Variants in F5 observed in about 807,000 individuals in gnomAD.
F5 encodes coagulation factor V.
A neutral mutation model predicts 216.4 loss-of-function variants in F5; 138 were observed. That is an observed-to-expected ratio of 0.64 (90% CI 0.56 to 0.73). The LOEUF (loss-of-function observed/expected upper bound fraction) is 0.73. F5 is among the 30% of genes least tolerant of loss of function. The probability of loss-of-function intolerance (pLI) is 0.00; values close to 1 mark genes in which losing one functional copy is unlikely to be tolerated. For synonymous variants in F5, 916 were observed against 930.7 expected (o/e 0.98, Z 0.29); for missense variants, 2,403 against 2,674.0 (o/e 0.90, Z 2.24).
At chr1:169,521,286 C>G (rs1484931005) in intron 21 of F5, among the ~76,000 whole-genome samples, 1 of 152,156 alleles carries the variant, frequency 6.6e-6, no homozygotes, top group East Asian at 1.9e-4. Context: ...GGGGTTGTGT[C>G]AGAAAAGGCC....
intron 3 of F5, among the ~76,000 whole-genome samples, chr1:169,571,166 T>TA (rs1660714235): frequency 6.6e-6 from 1 of 152,184 alleles, no homozygotes; most frequent in Admixed American, 6.6e-5. Context: ...CTACTATGCT[T>TA]ACAATGATCT....
chr1:169,530,889 G>A lies in F5; in HGVS notation c.5105C>T (p.Pro1702Leu). 1 of 1,613,890 alleles carries A rather than the reference G, an allele frequency of 6.2e-7. No individual in the cohort carries two copies. Among genetic ancestry groups the A allele is most frequent in the African/African-American group, 1.3e-5 (1 of 75,014 alleles). ...CCATACGTAGGTATAACTGCTATTT[G>A]GCTGAACAGCATTATCTTCCTTAAA... is the stretch of plus-strand genomic sequence containing the variant. Reference protein sequence around the residue: ...EWFKEDNAVQPNSSYTYVWHA... With the variant: ...EWFKEDNAVQLNSSYTYVWHA... Residue 1702 changes from proline (P) to leucine (L), a missense_variant, in exon 15 of 25, where the codon CCA becomes CTA. Transcript: ENST00000367797.
Position 169,560,759 on chromosome 1 carries a change from A to G in F5, c.381T>C (p.Ser127=). 1.2e-6 allele frequency: 2 copies of G among 1,612,022 alleles called. No homozygotes were observed. Among genetic ancestry groups the G allele is most frequent in the Non-Finnish European group, 1.7e-6 (2 of 1,179,638 alleles). Residue 127 remains serine (S), a synonymous_variant, in exon 4 of 25, where the codon TCT becomes TCC. Transcript: ENST00000367797. ...CCGCAGGGAATGTGTGGTCAAGGTAAGAAGCACCTGGAGGAGTAACAGCCA... is the reference window on the plus strand; with the variant it reads ...CCGCAGGGAATGTGTGGTCAAGGTAGGAAGCACCTGGAGGAGTAACAGCCA... ...IRYSKLSEGA[S]YLDHTFPAEK...
chr1:169,538,517 T>A (rs1659758010), intron 13 of F5, among the ~76,000 whole-genome samples: 1 of 152,180 alleles, frequency 6.6e-6, no homozygotes, highest in Non-Finnish European at 1.5e-5. Context: ...GTTAATTAGC[T>A]TGATTTAGCC....
At chr1:169,572,744 T>A (rs1402767328) in intron 2 of F5, among the ~76,000 whole-genome samples, 1 of 152,188 alleles carries the variant, frequency 6.6e-6, no homozygotes, top group Non-Finnish European at 1.5e-5. Context: ...CTCAGAGACC[T>A]AGATGAATTG....
intron 10 of F5, among the ~76,000 whole-genome samples, chr1:169,546,979 A>AAAG (rs1553220681): frequency 1.3e-4 from 10 of 77,816 alleles, no homozygotes; most frequent in Non-Finnish European, 2.2e-4. Context: ...AAAAAAAAAA[A>AAAG]AAAAGAAAAG....
At chr1:169,559,811 T>A (rs1009958424) in intron 4 of F5, among the ~76,000 whole-genome samples, 19 of 152,164 alleles carry the variant, frequency 1.2e-4, no homozygotes, top group African/African-American at 3.9e-4. Flanking sequence ...TTCAGTACCA[T>A]CACAGTATCT....
At chr1:169,576,218 T>C (rs1247856948) in intron 2 of F5, among the ~76,000 whole-genome samples, 1 of 152,200 alleles carries the variant, frequency 6.6e-6, no homozygotes, top group African/African-American at 2.4e-5. Flanking sequence ...TGTGTTGTTT[T>C]AGCCACTAAG....
At chr1:169,515,327 T>C in intron 24 of F5, 117 bp downstream of exon 24, 1 of 1,255,842 alleles carries the variant, frequency 8.0e-7, no homozygotes, top group Non-Finnish European at 1.2e-6. Flanking sequence ...GAACTAAGAT[T>C]TAGAAGACTT....
In F5 at chr1:169,586,325, C is replaced by G. The variant is rs1557937411; in HGVS notation, c.62G>C (p.Trp21Ser). Residue 21 changes from tryptophan to serine, a missense_variant, in exon 1 of 25, where the codon TGG becomes TCG. This residue lies in a region of F5 where 1,425 missense variants were observed against 1,554.8 expected (regional missense o/e 0.92). Coordinates refer to ENST00000367797, the MANE Select transcript of F5 (RefSeq NM_000130.5). ...TGCCGCTTCTGTCCCTTGGCTCCCC[C>G]AGCCTACCCAGCTGGTGCCCAAGAC... is the stretch of plus-strand genomic sequence containing the variant. Reference protein sequence around the residue: ...LVVLGTSWVGWGSQGTEAAQL... With the variant: ...LVVLGTSWVGSGSQGTEAAQL... The G allele has an allele frequency of 1.2e-6, 2 of 1,614,130 alleles. No individual in the cohort carries two copies. Among genetic ancestry groups the G allele is most frequent in the Non-Finnish European group, 1.7e-6 (2 of 1,180,016 alleles).
intron 3 of F5, among the ~76,000 whole-genome samples, chr1:169,563,219 G>C (rs528358450): frequency 6.6e-6 from 1 of 151,998 alleles, no homozygotes; most frequent in South Asian, 2.1e-4. Context: ...CCTGTATGTG[G>C]TGTGTGTTTT....
chr1:169,581,148 A>G (rs1023960920), intron 2 of F5, among the ~76,000 whole-genome samples: 1 of 152,132 alleles, frequency 6.6e-6, no homozygotes, highest in Admixed American at 6.5e-5. Context: ...GAGTGGTAAG[A>G]GAAGTCTGAG....
chr1:169,565,781 C>T (rs978382962), intron 3 of F5, among the ~76,000 whole-genome samples: 2 of 152,068 alleles, frequency 1.3e-5, no homozygotes, highest in African/African-American at 4.8e-5. Flanking sequence ...CTATAGGCAT[C>T]TGAGTTTGTG....
At chr1:169,561,898 C>T (rs948252876) in intron 3 of F5, among the ~76,000 whole-genome samples, 1 of 150,288 alleles carries the variant, frequency 6.7e-6, no homozygotes, top group African/African-American at 2.4e-5. Context: ...TTAATCCTTT[C>T]CCTCCCCTTC....
rs886045544 is a variant in F5 at position 169,529,695 on chromosome 1, C to G, written c.5332G>C (p.Glu1778Gln). 1 of 1,613,708 alleles carries G rather than the reference C, an allele frequency of 6.2e-7. No individual in the cohort carries two copies. Among genetic ancestry groups the G allele is most frequent in the African/African-American group, 1.3e-5 (1 of 74,896 alleles). ...TTTTCATAGTACCAGCTCTTCTTTT[C>G]ATCAAAGGTCATAAATAGTAAGACA... Reference protein sequence around the residue: ...EFVLLFMTFDEKKSWYYEKKS... With the variant: ...EFVLLFMTFDQKKSWYYEKKS... The change falls in exon 16 of 25, where the codon GAA becomes CAA. Residue 1778 changes from glutamate to glutamine, a missense_variant. Around this residue, in one of 4 missense-constraint regions of F5, gnomAD observed 659 missense variants for 787.9 expected, o/e 0.84. Transcript: ENST00000367797.
intron 15 of F5, 33 bp downstream of exon 15, chr1:169,530,753 G>A (rs753985384): frequency 5.1e-6 from 8 of 1,573,254 alleles, no homozygotes; most frequent in South Asian, 1.1e-5. Context: ...CGAGGTTAGG[G>A]GAATGAGAAA....
chr1:169,527,803 G>A lies in F5; in HGVS notation c.5599+112C>T, dbSNP rs1659494861. 3.6e-6 allele frequency: 5 copies of A among 1,377,824 alleles called. No individual in the cohort carries two copies. The South Asian group carries it at 6.2e-5, about 17-fold the overall frequency. 85.3% of individuals were successfully genotyped at this position (1,377,824 alleles called of 1,614,324 possible). A position where few individuals can be genotyped will look rare whatever the true frequency, so the allele number is the denominator to read the frequency against. ...TGCCTAGGCTCTATGCCAGAACCCTGTGTTCTGACCCCTTAGGAAGTATAT... is the reference window on the plus strand; with the variant it reads ...TGCCTAGGCTCTATGCCAGAACCCTATGTTCTGACCCCTTAGGAAGTATAT... On this transcript the variant is annotated intron_variant, in intron 17 of 24. Coordinates refer to ENST00000367797, the MANE Select transcript of F5 (RefSeq NM_000130.5).
intron 22 of F5, among the ~76,000 whole-genome samples, chr1:169,520,258 G>C (rs576021929): frequency 6.6e-6 from 1 of 152,134 alleles, no homozygotes; most frequent in African/African-American, 2.4e-5. Flanking sequence ...TTCCAAATTA[G>C]AGCCCTTCCT....
intron 9 of F5, among the ~76,000 whole-genome samples, chr1:169,550,252 G>A (rs1038190615): frequency 6.8e-6 from 1 of 147,006 alleles, no homozygotes; most frequent in Non-Finnish European, 1.5e-5. Context: ...TTAACATTAG[G>A]TATATCTCCT....
Sources: gnomAD v4.1 joint callset for allele counts (sites outside exome capture counted in the v4.1 genomes callset) on GRCh38, gnomAD v4.1.1 for gene constraint, gnomAD v4.1.1 regional missense constraint, MANE v1.5 for transcripts, NCBI Gene and HGNC (gene_info 2026-07-23, HGNC 2026-07-21) for gene names.